RPAP1: variants seen among roughly 807,000 people sequenced by gnomAD.
RPAP1 encodes RNA polymerase II associated protein 1.
In RPAP1, 109 loss-of-function variants were observed where a neutral mutation model predicts 142.4. The ratio of observed to expected loss-of-function variants is 0.77; its 90% CI spans 0.66 to 0.90. The LOEUF is 0.90. Among genes scored for constraint, RPAP1 ranks in the 40% least tolerant of loss-of-function variants. The probability of loss-of-function intolerance (pLI) is 0.00; values close to 1 mark genes in which losing one functional copy is unlikely to be tolerated. For synonymous variants in RPAP1, 704 were observed against 738.9 expected (o/e 0.95, Z 0.77); for missense variants, 1,546 against 1,751.7 (o/e 0.88, Z 2.10).
chr15:41,536,991 T>C lies in RPAP1; in HGVS notation c.135A>G (p.Ser45=). The stretch of plus-strand genomic sequence containing the variant: ...GATGGTCCTGGAGCGGAGGCCGGTC[T>C]GAGTTGGCATCACCACCGCCCCTAT... ...KGNRGGGDAN[S]DRPPLQDHRD... Residue 45 remains serine (S), a synonymous_variant, in exon 2 of 25, where the codon TCA becomes TCG. Coordinates refer to ENST00000304330, the MANE Select transcript of RPAP1 (RefSeq NM_015540.4). The C allele has an allele frequency of 6.2e-7, 1 of 1,614,148 alleles. No individual in the cohort carries two copies. The highest frequency in any genetic ancestry group is 8.5e-7 in the Non-Finnish European group (1 of 1,180,028).
At chr15:41,536,367 C>A in intron 3 of RPAP1, 134 bp downstream of exon 3, 1 of 1,367,560 alleles carries the variant, frequency 7.3e-7, no homozygotes, top group Non-Finnish European at 1.0e-6. Context: ...TCTAACCCAG[C>A]CCCCAACCTG....
chr15:41,535,939 TATC>T (rs1265530735), intron 4 of RPAP1, among the ~76,000 whole-genome samples, 187 bp downstream of exon 4: 1 of 152,196 alleles, frequency 6.6e-6, no homozygotes, highest in African/African-American at 2.4e-5. Flanking sequence ...ATCCCCAAGG[TATC>T]ATCATGATAC....
At position 41,520,822 on chromosome 15, in the gene RPAP1, G is replaced by T; in HGVS notation, c.3364C>A (p.Pro1122Thr). ...RASDTPSGLS[P>T]TDTMGTAMRV... is the part of the protein sequence containing the mutation. ...ATGGCTGTGCCCATGGTGTCTGTGG[G>T]AGAGAGTCCCGAGGGGGTGTCTGAA... The change falls in exon 22 of 25, where the codon CCC (proline) becomes ACC (threonine). Residue 1122 changes from proline (P) to threonine (T), a missense_variant. Pro to Thr is a conservative substitution (Grantham distance 38). Around this residue, in one of 3 missense-constraint regions of RPAP1, gnomAD observed 1,333 missense variants for 1,486.6 expected, o/e 0.90. Transcript: ENST00000304330. 1 of 1,613,930 alleles carries T rather than the reference G, an allele frequency of 6.2e-7. No individual in the cohort carries two copies. Among genetic ancestry groups the T allele is most frequent in the Non-Finnish European group, 8.5e-7 (1 of 1,180,032 alleles).
Position 41,536,187 on chromosome 15 carries a change from A to C in RPAP1, c.362T>G (p.Leu121Arg). The C allele has an allele frequency of 6.2e-7, 1 of 1,614,192 alleles. No individual in the cohort carries two copies. The highest frequency in any genetic ancestry group is 8.5e-7 in the Non-Finnish European group (1 of 1,180,038). Residue 121 changes from leucine to arginine, a missense_variant, in exon 4 of 25, where the codon CTG becomes CGG. Leu to Arg is a moderately radical substitution (Grantham distance 102, BLOSUM62 -2). Coordinates refer to ENST00000304330, the MANE Select transcript of RPAP1 (RefSeq NM_015540.4). Reference sequence around the variant, plus strand: ...GAAAGCAACACCACTGGGCACAGGCAGATTCACGGCCACTGAACTTGTATC... The same window carrying C: ...GAAAGCAACACCACTGGGCACAGGCCGATTCACGGCCACTGAACTTGTATC... ...ERDTSSVAVN[L>R]PVPSGVAFPA...
At chr15:41,533,674 CAAAAAATA>C in intron 6 of RPAP1, among the ~76,000 whole-genome samples, 1 of 151,374 alleles carries the variant, frequency 6.6e-6, no homozygotes, top group African/African-American at 2.4e-5. Context: ...ACTAAAAATA[CAAAAAATA>C]AAAAAATTAG....
intron 8 of RPAP1, 129 bp from the exon 9 acceptor site, chr15:41,529,697 T>C: frequency 1.1e-6 from 1 of 870,442 alleles, no homozygotes; most frequent in Non-Finnish European, 1.8e-6. Flanking sequence ...ATGGGGCTTA[T>C]CTGGCCTTGG....
rs551251558 is a variant in RPAP1, at chr15:41,530,963, G to A, written c.943+60C>T. 3 of 1,517,238 alleles carry A rather than the reference G, an allele frequency of 2.0e-6. No homozygotes were observed. In the African/African-American group the frequency reaches 4.1e-5, roughly 21 times the overall value. The allele number at this position is 1,517,238 out of a possible 1,614,324, so 94.0% of individuals were successfully genotyped here. ...CTCTTCTCTCATTTGCCAGGCCTAG[G>A]AAAAGGGACAATTTCCCCTACTTTT... is the stretch of plus-strand genomic sequence containing the variant. On this transcript the variant is annotated intron_variant, in intron 7 of 24. Transcript: ENST00000304330.
Position 41,529,463 on chromosome 15 carries a change from G to A in RPAP1, c.1158+7C>T. ...GCTGCCCCATCCTCTCCAGTCCCAT[G>A]CCTCACCTCTGCCTCCTCTCCATGG... On this transcript the variant is annotated splice_region_variant and intron_variant, in intron 9 of 24. Transcript: ENST00000304330. The A allele has an allele frequency of 6.3e-7, 1 of 1,599,764 alleles. No homozygotes were observed. The highest frequency in any genetic ancestry group is 8.6e-7 in the Non-Finnish European group (1 of 1,168,676).
At position 41,537,191 on chromosome 15, in the gene RPAP1, C is replaced by G; in HGVS notation, c.-66G>C. 10 of 1,493,594 alleles carry G rather than the reference C, an allele frequency of 6.7e-6. No individual in the cohort carries two copies. Among genetic ancestry groups the G allele is most frequent in the Non-Finnish European group, 9.1e-6 (10 of 1,097,822 alleles). The allele number at this position is 1,493,594 out of a possible 1,614,324, so 92.5% of individuals were successfully genotyped here. A position where few individuals can be genotyped will look rare whatever the true frequency, so the allele number is the denominator to read the frequency against. On this transcript the variant is annotated 5_prime_UTR_variant, in exon 2 of 25. Transcript: ENST00000304330. ...CAGTGTCTCCGTGTGGGGGTTCCCTCTTATTCATCCCTAAGAGCAAGAAAG... is the reference window on the plus strand; with the variant it reads ...CAGTGTCTCCGTGTGGGGGTTCCCTGTTATTCATCCCTAAGAGCAAGAAAG...
Position 41,520,686 on chromosome 15 carries a change from C to T in RPAP1, c.3500G>A (p.Ser1167Asn). The T allele has an allele frequency of 2.5e-6, 4 of 1,614,156 alleles. No individual in the cohort carries two copies. Among genetic ancestry groups the T allele is most frequent in the Non-Finnish European group, 3.4e-6 (4 of 1,180,050 alleles). The change falls in exon 22 of 25, where the codon AGT becomes AAT. Residue 1167 changes from serine (S) to asparagine (N), a missense_variant. By Grantham distance (46) the Ser-to-Asn change is conservative. This residue lies in a region of RPAP1 where 1,333 missense variants were observed against 1,486.6 expected (regional missense o/e 0.90). Coordinates refer to ENST00000304330, the MANE Select transcript of RPAP1 (RefSeq NM_015540.4). ...TACTGGGGACTCCCGGAACAGCTCA[C>T]TGTCCACCAGGAACACACACATGAG... ...ARLMCVFLVD[S>N]ELFRESPVQH... is the part of the protein sequence containing the mutation.
At chr15:41,532,670 AGTGGTTAAAAAG>A (rs1229567394) in intron 6 of RPAP1, among the ~76,000 whole-genome samples, 1 of 152,088 alleles carries the variant, frequency 6.6e-6, no homozygotes, top group Non-Finnish European at 1.5e-5. Flanking sequence ...TACATAGCAC[AGTGGTTAAAAAG>A]TAGGGCCTCG....
chr15:41,533,823 A>AC (rs2051879572), intron 6 of RPAP1, among the ~76,000 whole-genome samples: 1 of 145,802 alleles, frequency 6.9e-6, no homozygotes, highest in African/African-American at 2.5e-5. Flanking sequence ...GGGCAACAAG[A>AC]GGAAAAATCC....
chr15:41,523,282 TCAGCAGTGGCAGCAG>T lies in RPAP1; in HGVS notation c.2494_2508del (p.Leu832_Leu836del). ...CACAGGCTGCCCAGTGTGGGCTGAC[TCAGCAGTGGCAGCAG>T]CAGCTCCTCTGACAGGCGCTGCATG... On this transcript the variant is annotated inframe_deletion, in exon 18 of 25. Coordinates refer to ENST00000304330, the MANE Select transcript of RPAP1 (RefSeq NM_015540.4). 1 of 1,612,198 alleles carries T rather than the reference TCAGCAGTGGCAGCAG, an allele frequency of 6.2e-7. No individual in the cohort carries two copies. The highest frequency in any genetic ancestry group is 8.5e-7 in the Non-Finnish European group (1 of 1,179,042).
intron 7 of RPAP1, 45 bp downstream of exon 7, chr15:41,530,977 TC>T (rs777086075): frequency 6.4e-6 from 10 of 1,558,624 alleles, no homozygotes; most frequent in Non-Finnish European, 8.8e-6. Flanking sequence ...AGGGACAATT[TC>T]CCCTACTTTT....
chr15:41,521,649 G>C, intron 21 of RPAP1, 89 bp downstream of exon 21: 1 of 1,433,786 alleles, frequency 7.0e-7, no homozygotes, highest in Non-Finnish European at 9.5e-7. Flanking sequence ...GAGAATTTAG[G>C]TCTCCTGGCT....
rs1475440457 is a variant in RPAP1, at chr15:41,520,690, C to T, written c.3496G>A (p.Asp1166Asn). 1.2e-6 allele frequency: 2 copies of T among 1,614,114 alleles called. No individual in the cohort carries two copies. The change falls in exon 22 of 25, where the codon GAC becomes AAC. Residue 1166 changes from aspartate (D) to asparagine (N), a missense_variant. Transcript: ENST00000304330. Reference protein sequence around the residue: ...LARLMCVFLVDSELFRESPVQ... With the variant: ...LARLMCVFLVNSELFRESPVQ... ...GGGGACTCCCGGAACAGCTCACTGT[C>T]CACCAGGAACACACACATGAGCCGT...
intron 11 of RPAP1, 89 bp downstream of exon 11, chr15:41,527,771 C>A: frequency 6.5e-7 from 1 of 1,543,854 alleles, no homozygotes; most frequent in Non-Finnish European, 8.8e-7. Flanking sequence ...ATCTTGCCCG[C>A]AAAGCCTTAG....
At chr15:41,526,821 G>T in intron 14 of RPAP1, 77 bp downstream of exon 14, 1 of 1,436,266 alleles carries the variant, frequency 7.0e-7, no homozygotes, top group Non-Finnish European at 9.4e-7. Flanking sequence ...GCCACCCAGA[G>T]TTCAGGAGCC....
chr15:41,541,212 G>A (rs1237973896), intron 1 of RPAP1, among the ~76,000 whole-genome samples: 1 of 152,066 alleles, frequency 6.6e-6, no homozygotes, highest in Non-Finnish European at 1.5e-5. Flanking sequence ...TCTGAGGTCA[G>A]GAGTTCAAGA....
Sources: gnomAD v4.1 joint callset for allele counts (sites outside exome capture counted in the v4.1 genomes callset) on GRCh38, gnomAD v4.1.1 for gene constraint, gnomAD v4.1.1 regional missense constraint, MANE v1.5 for transcripts, NCBI Gene and HGNC (gene_info 2026-07-23, HGNC 2026-07-21) for gene names.